ZDHHC14: variants seen among roughly 807,000 people sequenced by gnomAD.
ZDHHC14 encodes the protein palmitoyltransferase ZDHHC14.
A neutral mutation model predicts 47.7 loss-of-function variants in ZDHHC14; 16 were observed. That is an observed-to-expected ratio of 0.34 (90% CI 0.23 to 0.51). ZDHHC14 has a LOEUF of 0.51. Ranked by LOEUF, ZDHHC14 falls within the 20% of genes least tolerant of loss-of-function variation. The pLI is 0.97. For synonymous variants in ZDHHC14, 293 were observed against 278.9 expected, an observed-to-expected ratio of 1.05 and a Z score of -0.50; for missense variants, 515 against 662.5, an observed-to-expected ratio of 0.78 and a Z score of 2.44.
intron 1 of ZDHHC14, among the ~76,000 whole-genome samples, chr6:157,515,180 G>C (rs1299811390): frequency 6.6e-6 from 1 of 152,106 alleles, no homozygotes; most frequent in African/African-American, 2.4e-5. Context: ...CAGCCACGGC[G>C]AGTACTAATG....
chr6:157,460,805 GACA>G (rs1457046928), intron 1 of ZDHHC14, among the ~76,000 whole-genome samples: 1 of 152,192 alleles, frequency 6.6e-6, no homozygotes, highest in Non-Finnish European at 1.5e-5. Flanking sequence ...ATGGGTTAGA[GACA>G]GCAGGCGAGG....
intron 1 of ZDHHC14, among the ~76,000 whole-genome samples, chr6:157,418,463 T>C (rs1005736336): frequency 3.3e-5 from 5 of 152,204 alleles, no homozygotes; most frequent in Admixed American, 3.3e-4. Context: ...AGAGGATGTA[T>C]GGAACAGGAC....
chr6:157,574,113 GTTGTTCC>G (rs1369939090), intron 2 of ZDHHC14, among the ~76,000 whole-genome samples: 1 of 151,494 alleles, frequency 6.6e-6, no homozygotes, highest in Non-Finnish European at 1.5e-5. Context: ...ACACCTCTCT[GTTGTTCC>G]TTGCCTTTAA....
At chr6:157,669,224 G>A (rs1444905862) in intron 8 of ZDHHC14, among the ~76,000 whole-genome samples, 1 of 152,146 alleles carries the variant, frequency 6.6e-6, no homozygotes, top group Non-Finnish European at 1.5e-5. Context: ...TCGTGGGTGT[G>A]CAGGAGCTCT....
chr6:157,665,622 T>C (rs1346621761), intron 8 of ZDHHC14, among the ~76,000 whole-genome samples: 2 of 152,240 alleles, frequency 1.3e-5, no homozygotes, highest in East Asian at 3.8e-4. Context: ...ATAAATGCTT[T>C]ATAATTTTAC....
intron 1 of ZDHHC14, among the ~76,000 whole-genome samples, chr6:157,507,493 A>C (rs1236079986): frequency 1.3e-5 from 2 of 152,012 alleles, no homozygotes; most frequent in African/African-American, 4.8e-5. Flanking sequence ...TGTTGGCTAC[A>C]CTGGTCTCCA....
At position 157,674,945 on chromosome 6, in the gene ZDHHC14, A is replaced by G. The variant is rs1478526486; in HGVS notation, c.*1823A>G. On this transcript the variant is annotated 3_prime_UTR_variant, in exon 9 of 9. Coordinates refer to ENST00000359775, the MANE Select transcript of ZDHHC14 (RefSeq NM_024630.3). ...TACTTGTACCCACCTGCAATGTGTA[A>G]TTCATGGGGCAGTGCCCTCCTTACA... The G allele has an allele frequency of 6.6e-6, 1 of 152,214 alleles. No homozygotes were observed. The highest frequency in any genetic ancestry group is 1.5e-5 in the Non-Finnish European group (1 of 68,060). 9.4% of individuals were successfully genotyped at this position (152,214 alleles called of 1,614,324 possible). A position where few individuals can be genotyped will look rare whatever the true frequency, so the allele number is the denominator to read the frequency against.
chr6:157,597,145 G>A lies in ZDHHC14; in HGVS notation c.565+3999G>A, dbSNP rs566301922. Among the ~76,000 whole-genome samples the A allele has an allele frequency of 2.6e-5, 4 of 152,296 alleles. No individual in the cohort carries two copies. In the East Asian group the frequency reaches 5.8e-4, roughly 22 times the overall value. On this transcript the variant is annotated intron_variant, in intron 3 of 8. Coordinates refer to ENST00000359775, the MANE Select transcript of ZDHHC14 (RefSeq NM_024630.3). ...TTGTTTATTTATCCAGGCGGGCTTT[G>A]AGGTTACGGAATATTTTTAAACAAC...
chr6:157,457,449 C>G (rs1778948007), intron 1 of ZDHHC14, among the ~76,000 whole-genome samples: 1 of 152,114 alleles, frequency 6.6e-6, no homozygotes, highest in Non-Finnish European at 1.5e-5. Context: ...GAGAACTATC[C>G]TATCATGTTT....
At chr6:157,384,783 C>A (rs1045563010) in intron 1 of ZDHHC14, among the ~76,000 whole-genome samples, 2 of 152,240 alleles carry the variant, frequency 1.3e-5, no homozygotes, top group East Asian at 3.9e-4. Context: ...AACAAGTTAA[C>A]CCCATACAGA....
At position 157,676,191 on chromosome 6, in the gene ZDHHC14, G is replaced by C. The variant is rs767123046; in HGVS notation, c.*3069G>C. ...AGGGGGATGCTGCAGGAAGGTGGCA[G>C]ACAGACTGCATCCAGGAGGGCACAG... On this transcript the variant is annotated 3_prime_UTR_variant, in exon 9 of 9. Transcript: ENST00000359775. 1.3e-5 allele frequency: 2 copies of C among 152,296 alleles called. No homozygotes were observed. Among genetic ancestry groups the C allele is most frequent in the African/African-American group, 4.8e-5 (2 of 41,460 alleles). The allele number at this position is 152,296 out of a possible 1,614,324, so 9.4% of individuals were successfully genotyped here.
At chr6:157,499,473 C>T (rs1780143908) in intron 1 of ZDHHC14, among the ~76,000 whole-genome samples, 1 of 149,722 alleles carries the variant, frequency 6.7e-6, no homozygotes, top group African/African-American at 2.4e-5. Context: ...TGTGTCACCT[C>T]TCAAAGCCCC....
intron 3 of ZDHHC14, among the ~76,000 whole-genome samples, chr6:157,625,078 G>A (rs1298968601): frequency 6.6e-6 from 1 of 152,140 alleles, no homozygotes; most frequent in African/African-American, 2.4e-5. Context: ...CCATTCATGA[G>A]AGCAGAGCCC....
intron 1 of ZDHHC14, among the ~76,000 whole-genome samples, chr6:157,395,418 G>A (rs1028665829): frequency 3.3e-5 from 5 of 150,342 alleles, no homozygotes; most frequent in African/African-American, 1.2e-4. Flanking sequence ...CTTCCACTTC[G>A]GCCTCCCAAA....
chr6:157,604,219 T>G (rs1784442955), intron 3 of ZDHHC14, among the ~76,000 whole-genome samples: 1 of 151,270 alleles, frequency 6.6e-6, no homozygotes, highest in South Asian at 2.1e-4. Context: ...CCAGGGAGAT[T>G]GAGGCTACAG....
chr6:157,620,545 C>A (rs1475140589), intron 3 of ZDHHC14, among the ~76,000 whole-genome samples: 2 of 152,216 alleles, frequency 1.3e-5, no homozygotes, highest in Non-Finnish European at 2.9e-5. Flanking sequence ...CTGCTTCTTC[C>A]AACATTCACT....
intron 3 of ZDHHC14, among the ~76,000 whole-genome samples, chr6:157,621,879 G>A (rs1469106702): frequency 6.6e-6 from 1 of 151,934 alleles, no homozygotes; most frequent in Non-Finnish European, 1.5e-5. Context: ...ATCTCTTCCA[G>A]AAATTAAATC....
chr6:157,646,948 T>G (rs1777583902), intron 6 of ZDHHC14, among the ~76,000 whole-genome samples: 1 of 152,238 alleles, frequency 6.6e-6, no homozygotes, highest in African/African-American at 2.4e-5. Flanking sequence ...ATTCATTTAA[T>G]TATTATTTAG....
chr6:157,417,450 A>G (rs1187360270), intron 1 of ZDHHC14, among the ~76,000 whole-genome samples: 1 of 152,172 alleles, frequency 6.6e-6, no homozygotes, highest in Non-Finnish European at 1.5e-5. Flanking sequence ...CTCCCTTTTT[A>G]AGAGCTGCTT....
Sources: allele counts gnomAD v4.1 joint callset (sites outside exome capture counted in the v4.1 genomes callset), GRCh38; gene constraint gnomAD v4.1.1; transcripts MANE v1.5; gene names NCBI Gene and HGNC (gene_info 2026-07-23, HGNC 2026-07-21).